The following CREB5 variants were observed in gnomAD, a reference collection of about 807,000 sequenced individuals.
The protein encoded by CREB5 is cAMP responsive element binding protein 5, also known as cyclic AMP-responsive element-binding protein 5.
A neutral mutation model predicts 57.1 loss-of-function variants in CREB5; 19 were observed. The observed-to-expected ratio is 0.33, with a 90% confidence interval of 0.23 to 0.49. The LOEUF is 0.49. Ranked by LOEUF, CREB5 falls within the 20% of genes least tolerant of loss-of-function variation. The pLI is 0.99. For synonymous variants in CREB5, 238 were observed against 238.3 expected, an observed-to-expected ratio of 1.00 and a Z score of 0.01; for missense variants, 579 against 671.6, an observed-to-expected ratio of 0.86 and a Z score of 1.52.
In CREB5 at chr7:28,819,167, A is replaced by C. The variant is rs904959298; in HGVS notation, c.1415A>C (p.Gln472Pro). 1.2e-6 allele frequency: 2 copies of C among 1,613,680 alleles called. No homozygotes were observed. Among genetic ancestry groups the C allele is most frequent in the Non-Finnish European group, 8.5e-7 (1 of 1,179,834 alleles). The change falls in exon 11 of 11, where the codon CAA (glutamine) becomes CCA (proline). Residue 472 changes from glutamine to proline, a missense_variant. By Grantham distance (76) the Gln-to-Pro change is moderately conservative (BLOSUM62 -1). Coordinates refer to ENST00000357727, the MANE Select transcript of CREB5 (RefSeq NM_182898.4). ...CCTGTCCCAGCTTGCTCCCAGCAACAAGTCATCCAGCATAATACCATCACT... is the reference window on the plus strand; with the variant it reads ...CCTGTCCCAGCTTGCTCCCAGCAACCAGTCATCCAGCATAATACCATCACT... ...ASPVPACSQQ[Q>P]VIQHNTITTS...
intron 5 of CREB5, among the ~76,000 whole-genome samples, chr7:28,641,021 T>G (rs1798637133): frequency 6.6e-6 from 1 of 152,204 alleles, no homozygotes; most frequent in South Asian, 2.1e-4. Context: ...CCCAAATGAT[T>G]GAGTGTCATC....
At chr7:28,328,879 T>C (rs2127986065) in intron 1 of CREB5, among the ~76,000 whole-genome samples, 1 of 152,344 alleles carries the variant, frequency 6.6e-6, no homozygotes, top group Non-Finnish European at 1.5e-5. Context: ...GGCTCTTGGC[T>C]GTCACTGTAT....
At chr7:28,634,083 T>A (rs1436295645) in intron 5 of CREB5, among the ~76,000 whole-genome samples, 1 of 152,202 alleles carries the variant, frequency 6.6e-6, no homozygotes, top group African/African-American at 2.4e-5. Context: ...CCTCTGTTTC[T>A]CAGAAGTTGA....
rs181486555 is a variant in CREB5 at position 28,548,798 on chromosome 7, A to T, written c.292-21567A>T. Among the ~76,000 whole-genome samples the T allele has an allele frequency of 2.0e-5, 3 of 152,258 alleles. No individual in the cohort carries two copies. The East Asian group carries it at 5.8e-4, about 29-fold the overall frequency. On this transcript the variant is annotated intron_variant, in intron 4 of 10. Transcript: ENST00000357727. ...AATATTACCGTTATTAATTTTCTGT[A>T]TCAGTTTTCCCTAGATCAGAGGTTC...
intron 1 of CREB5, among the ~76,000 whole-genome samples, chr7:28,476,722 C>T (rs1791081174): frequency 6.6e-6 from 1 of 152,170 alleles, no homozygotes; most frequent in African/African-American, 2.4e-5. Flanking sequence ...CAAACAAAAT[C>T]CCACTTCCGA....
intron 5 of CREB5, among the ~76,000 whole-genome samples, chr7:28,572,902 G>T (rs1168666247): frequency 6.6e-6 from 1 of 152,168 alleles, no homozygotes; most frequent in Non-Finnish European, 1.5e-5. Context: ...GTCGCTCCTG[G>T]TGTGTTCTAG....
At chr7:28,777,214 G>A (rs1806711953) in intron 7 of CREB5, among the ~76,000 whole-genome samples, 1 of 152,166 alleles carries the variant, frequency 6.6e-6, no homozygotes, top group African/African-American at 2.4e-5. Context: ...TGTCTTCATT[G>A]TGGTCCTCAA....
chr7:28,562,025 C>T (rs1189537042), intron 4 of CREB5, among the ~76,000 whole-genome samples: 1 of 152,216 alleles, frequency 6.6e-6, no homozygotes, highest in Non-Finnish European at 1.5e-5. Flanking sequence ...GGATTACAGG[C>T]GTGAGCCACC....
chr7:28,606,012 T>C (rs35171622), intron 5 of CREB5, among the ~76,000 whole-genome samples: 2 of 152,206 alleles, frequency 1.3e-5, no homozygotes, highest in Non-Finnish European at 2.9e-5. Flanking sequence ...TAAATTTCAC[T>C]ATATGCAATT....
intron 1 of CREB5, among the ~76,000 whole-genome samples, chr7:28,369,036 C>T (rs1583402617): frequency 6.6e-6 from 1 of 151,180 alleles, no homozygotes; most frequent in South Asian, 2.1e-4. Context: ...CAGAGTGAGA[C>T]CTTGCCTCAA....
intron 5 of CREB5, among the ~76,000 whole-genome samples, chr7:28,662,262 T>G (rs1799638132): frequency 1.3e-5 from 2 of 152,228 alleles, no homozygotes; most frequent in Non-Finnish European, 2.9e-5. Context: ...AGAAAACACC[T>G]AACATGGTTT....
chr7:28,509,910 G>A (rs1458680593), intron 4 of CREB5, among the ~76,000 whole-genome samples: 1 of 152,170 alleles, frequency 6.6e-6, no homozygotes, highest in Non-Finnish European at 1.5e-5. Flanking sequence ...TGGGAAGCTG[G>A]ACAATATTCA....
intron 5 of CREB5, among the ~76,000 whole-genome samples, chr7:28,702,143 C>A (rs982878792): frequency 6.6e-6 from 1 of 152,056 alleles, no homozygotes; most frequent in Non-Finnish European, 1.5e-5. Context: ...AATAGCAGTC[C>A]GTGGCACTTA....
At chr7:28,514,955 C>T (rs776089081) in intron 4 of CREB5, among the ~76,000 whole-genome samples, 2 of 92,400 alleles carry the variant, frequency 2.2e-5, no homozygotes, top group African/African-American at 4.7e-5. Context: ...GGAAGCTGGA[C>T]GTTAATTTTG....
At chr7:28,715,750 A>G (rs147385136) in intron 5 of CREB5, among the ~76,000 whole-genome samples, 2 of 152,228 alleles carry the variant, frequency 1.3e-5, no homozygotes, top group Non-Finnish European at 2.9e-5. Context: ...AATGATTTAT[A>G]GAATCTGTGT....
rs530574059 is a variant in CREB5 at position 28,819,439 on chromosome 7, C to T, written c.*160C>T. 9.0e-5 allele frequency: 62 copies of T among 686,850 alleles called. No individual in the cohort carries two copies. In the Admixed American group the frequency reaches 1.8e-3, roughly 20 times the overall value. 42.5% of individuals were successfully genotyped at this position (686,850 alleles called of 1,614,324 possible). On this transcript the variant is annotated 3_prime_UTR_variant, in exon 11 of 11. Coordinates refer to ENST00000357727, the MANE Select transcript of CREB5 (RefSeq NM_182898.4). ...TATTATGGAAATGTTGTCTTTTATA[C>T]TTAGTTATATAAGAAAAAAGGGAGT...
chr7:28,540,732 G>C (rs1794171098), intron 4 of CREB5, among the ~76,000 whole-genome samples: 1 of 152,166 alleles, frequency 6.6e-6, no homozygotes, highest in African/African-American at 2.4e-5. Context: ...ATTAGGTGTT[G>C]ATGGAAAAGA....
intron 1 of CREB5, among the ~76,000 whole-genome samples, chr7:28,471,051 C>T (rs1790784073): frequency 6.6e-6 from 1 of 152,122 alleles, no homozygotes; most frequent in Non-Finnish European, 1.5e-5. Flanking sequence ...CTGATTGTTT[C>T]CTTTGCTGTG....
intron 5 of CREB5, among the ~76,000 whole-genome samples, chr7:28,608,682 C>G (rs1006981904): frequency 1.3e-5 from 2 of 152,184 alleles, no homozygotes; most frequent in East Asian, 3.8e-4. Context: ...CAGACTTCAT[C>G]ATTTACTCCT....
Sources: gnomAD v4.1 joint callset for allele counts (sites outside exome capture counted in the v4.1 genomes callset) on GRCh38, gnomAD v4.1.1 for gene constraint, MANE v1.5 for transcripts, NCBI Gene and HGNC (gene_info 2026-07-23, HGNC 2026-07-21) for gene names.